CCDC180: variants seen among roughly 807,000 people sequenced by gnomAD.
CCDC180 encodes coiled-coil domain-containing protein 180.
CCDC180 carries 154 observed loss-of-function variants against 209.2 expected under a neutral mutation model. The observed-to-expected ratio is 0.74, with a 90% CI of 0.65 to 0.84. CCDC180 has a LOEUF of 0.84. CCDC180 is among the 40% of genes least tolerant of loss of function. The probability of loss-of-function intolerance (pLI) is 0.00; values close to 1 mark genes in which losing one functional copy is unlikely to be tolerated. For synonymous variants in CCDC180, 778 were observed against 749.1 expected (o/e 1.04, Z -0.63); for missense variants, 1,874 against 1,997.3 (o/e 0.94, Z 1.18).
At chr9:97,369,268 C>G (rs10981800) in intron 31 of CCDC180, 32,491 of 151,992 alleles carry the variant, frequency 0.21, 3,716 homozygotes, top group East Asian at 0.39. Context: ...TTTGGAGATA[C>G]AGAGAAAGAG....
intron 13 of CCDC180, among the ~76,000 whole-genome samples, chr9:97,324,526 C>T (rs754579880): frequency 6.6e-6 from 1 of 152,262 alleles, no homozygotes; most frequent in African/African-American, 2.4e-5. Flanking sequence ...CAAATTTAGT[C>T]TACAGGTGGC....
rs1347145050 is a variant in CCDC180, at chr9:97,323,806, T to G, written c.1274T>G (p.Phe425Cys). The G allele has an allele frequency of 2.6e-6, 4 of 1,558,528 alleles. No homozygotes were observed. The highest frequency in any genetic ancestry group is 3.5e-6 in the Non-Finnish European group (4 of 1,150,388). The change falls in exon 13 of 37, where the codon TTC (phenylalanine) becomes TGC (cysteine). Residue 425 changes from phenylalanine (F) to cysteine (C), a missense_variant. Transcript: ENST00000529487. ...CKKQLLDWKAFTEEEAETLVN... is the reference protein window; with the variant it reads ...CKKQLLDWKACTEEEAETLVN... The stretch of plus-strand genomic sequence containing the variant: ...AAGCAGCTGCTGGACTGGAAAGCCT[T>G]CACTGAGGAGGAGGCAGAGACCCTG...
In CCDC180 at chr9:97,362,264, G is replaced by T. The variant is rs368210356; in HGVS notation, c.3725G>T (p.Trp1242Leu). 1.2e-6 allele frequency: 2 copies of T among 1,614,046 alleles called. No homozygotes were observed. The highest frequency in any genetic ancestry group is 1.7e-6 in the Non-Finnish European group (2 of 1,180,042). ...CCGTCCCAGACAGGTAGAGGCGCAT[G>T]GGCCTGTGGGTCTCGGGGCAGCAGT... ...KDPSQTGRGA[W>L]ACGSRGSSEA... The change falls in exon 28 of 37, where the codon TGG (tryptophan) becomes TTG (leucine). Residue 1242 changes from tryptophan (W) to leucine (L), a missense_variant. Physicochemically the swap from Trp to Leu is moderately conservative, Grantham distance 61. Coordinates refer to ENST00000529487, the MANE Select transcript of CCDC180 (RefSeq NM_020893.6).
chr9:97,337,731 A>T (rs911361741), intron 18 of CCDC180, among the ~76,000 whole-genome samples: 1 of 152,194 alleles, frequency 6.6e-6, no homozygotes, highest in African/African-American at 2.4e-5. Flanking sequence ...TAGTTTCAGA[A>T]GGAATGGTAC....
chr9:97,371,408 T>C (rs1044241185), intron 33 of CCDC180, 187 bp from the exon 34 acceptor site: 3 of 426,508 alleles, frequency 7.0e-6, no homozygotes, highest in East Asian at 6.3e-5. Context: ...TCATTTATTA[T>C]GTTTAAACCA....
At chr9:97,357,834 G>A in intron 25 of CCDC180, 109 bp downstream of exon 25, 1 of 843,146 alleles carries the variant, frequency 1.2e-6, no homozygotes, top group South Asian at 1.8e-5. Flanking sequence ...GCACAAGGTT[G>A]GCGGGGTGGG....
intron 9 of CCDC180, 80 bp from the exon 10 acceptor site, chr9:97,318,383 C>T (rs1160830607): frequency 6.5e-7 from 1 of 1,534,744 alleles, no homozygotes; most frequent in African/African-American, 1.4e-5. Flanking sequence ...TGAATGCTGT[C>T]ACCATGGTTC....
chr9:97,346,403 A>G (rs1241895719), intron 19 of CCDC180, among the ~76,000 whole-genome samples: 1 of 152,224 alleles, frequency 6.6e-6, no homozygotes, highest in Non-Finnish European at 1.5e-5. Flanking sequence ...TGACATCTTA[A>G]CAGTACATGG....
chr9:97,343,714 T>TA (rs1826162592), intron 19 of CCDC180, 151 bp downstream of exon 19: 1 of 639,416 alleles, frequency 1.6e-6, no homozygotes, highest in Non-Finnish European at 2.6e-6. Context: ...AGAAACACAA[T>TA]AAAAAATGGC....
At chr9:97,324,419 A>G (rs767051544) in intron 13 of CCDC180, among the ~76,000 whole-genome samples, 14 of 152,224 alleles carry the variant, frequency 9.2e-5, no homozygotes, top group Non-Finnish European at 1.5e-4. Context: ...TGTAATTTTC[A>G]TCTCATTAAA....
rs183480324 is a variant in CCDC180, at chr9:97,315,103, C to G, written c.795+157C>G. 3.3e-5 allele frequency among the ~76,000 whole-genome samples: 5 copies of G among 152,254 alleles called. No individual in the cohort carries two copies. In the East Asian group the frequency reaches 9.6e-4, roughly 29 times the overall value. On this transcript the variant is annotated intron_variant, in intron 8 of 36. Transcript: ENST00000529487. ...CAGGTGGGCCTCTGAGGTAGAGAAGCAGAGTCCTTGCTATTGTAGTCCTTG... is the reference window on the plus strand; with the variant it reads ...CAGGTGGGCCTCTGAGGTAGAGAAGGAGAGTCCTTGCTATTGTAGTCCTTG...
chr9:97,362,555 G>A (rs1417421154), intron 28 of CCDC180, 114 bp downstream of exon 28: 3 of 1,463,754 alleles, frequency 2.0e-6, no homozygotes, highest in Non-Finnish European at 2.7e-6. Context: ...CAATGCTCAT[G>A]GCTCTGGGAC....
chr9:97,364,214 A>T, intron 29 of CCDC180, 86 bp downstream of exon 29: 1 of 1,296,412 alleles, frequency 7.7e-7, no homozygotes, highest in South Asian at 1.3e-5. Context: ...GAGGGGAAAA[A>T]TCAGAAAGGG....
At chr9:97,346,727 A>G (rs1374684283) in intron 19 of CCDC180, among the ~76,000 whole-genome samples, 3 of 152,154 alleles carry the variant, frequency 2.0e-5, no homozygotes, top group African/African-American at 7.2e-5. Context: ...GGCGCATGTC[A>G]CCATGACCAG....
intron 23 of CCDC180, 62 bp downstream of exon 23, chr9:97,354,775 C>T: frequency 6.2e-7 from 1 of 1,602,902 alleles, no homozygotes; most frequent in South Asian, 1.1e-5. Context: ...TCAACTCCCT[C>T]TGAAGGGAGG....
At chr9:97,352,987 A>G (rs12003155) in intron 22 of CCDC180, among the ~76,000 whole-genome samples, 19 of 151,228 alleles carry the variant, frequency 1.3e-4, no homozygotes, top group African/African-American at 4.4e-4. Context: ...ATATATATAT[A>G]TACACATATA....
chr9:97,344,165 G>T (rs1826178478), intron 19 of CCDC180, among the ~76,000 whole-genome samples: 1 of 152,156 alleles, frequency 6.6e-6, no homozygotes, highest in South Asian at 2.1e-4. Context: ...CTTTGTGTTT[G>T]AGTTTGGATC....
At chr9:97,310,289 C>G (rs1832940433) in intron 3 of CCDC180, among the ~76,000 whole-genome samples, 1 of 152,158 alleles carries the variant, frequency 6.6e-6, no homozygotes, top group Non-Finnish European at 1.5e-5. Flanking sequence ...TCGGGTGTCT[C>G]TTGGAGGCAG....
chr9:97,368,291 G>A (rs1285248750), intron 31 of CCDC180, among the ~76,000 whole-genome samples: 1 of 152,182 alleles, frequency 6.6e-6, no homozygotes, highest in African/African-American at 2.4e-5. Flanking sequence ...AGTAACCCTG[G>A]TTATTGCCCT....
Sources: gnomAD v4.1 joint callset for allele counts (sites outside exome capture counted in the v4.1 genomes callset) on GRCh38, gnomAD v4.1.1 for gene constraint, MANE v1.5 for transcripts, NCBI Gene and HGNC (gene_info 2026-07-23, HGNC 2026-07-21) for gene names.